Variants in ZNF397 observed in about 807,000 individuals in gnomAD.
The protein encoded by ZNF397 is zinc finger and SCAN domain-containing protein 15.
ZNF397 carries 38 observed loss-of-function variants against 50.6 expected under a neutral mutation model. The ratio of observed to expected loss-of-function variants is 0.75; its 90% CI spans 0.58 to 0.98. ZNF397 has a LOEUF of 0.98. Among genes scored for constraint, ZNF397 ranks in the 50% least tolerant of loss-of-function variants. The pLI, the probability that ZNF397 is intolerant of heterozygous loss-of-function variation, is 0.00. For synonymous variants in ZNF397, 228 were observed against 215.2 expected (o/e 1.06, Z -0.52); for missense variants, 624 against 624.1 (o/e 1.00, Z 0.00).
chr18:35,245,759 C>T lies in ZNF397; in HGVS notation c.1054C>T (p.Gln352Ter). The change falls in exon 4 of 4, where the codon CAG (glutamine) becomes TAG (stop). Residue 352 changes from glutamine (Q) to a stop codon, truncating the protein, a stop_gained. Transcript: ENST00000330501. LOFTEE classifies it high-confidence loss of function. The part of the protein sequence containing the change: ...ECSECGKAFN[Q>*]SSALIRHRKI... ...TAGTGAATGTGGGAAAGCTTTCAAT[C>T]AGAGCTCAGCCCTCATTAGACATCG... is the stretch of plus-strand genomic sequence containing the variant. The T allele has an allele frequency of 6.4e-7, 1 of 1,551,992 alleles. No individual in the cohort carries two copies. Among genetic ancestry groups the T allele is most frequent in the Non-Finnish European group, 8.7e-7 (1 of 1,147,128 alleles).
At chr18:35,256,072 G>A (rs1159228238) in intron 5 of ZNF397, among the ~76,000 whole-genome samples, 1 of 151,930 alleles carries the variant, frequency 6.6e-6, no homozygotes, top group Non-Finnish European at 1.5e-5. Flanking sequence ...GTAACTTATG[G>A]GATTTAAATA....
chr18:35,254,316 C>T (rs1308404636), downstream of ZNF397: 6 of 1,614,016 alleles, frequency 3.7e-6, no homozygotes, highest in African/African-American at 8.0e-5. Context: ...ATCATAGCTG[C>T]TGAGGCTACA....
chr18:35,245,280 C>T lies in ZNF397; in HGVS notation c.575C>T (p.Thr192Ile). The T allele has an allele frequency of 1.9e-6, 3 of 1,603,656 alleles. No individual in the cohort carries two copies. Among genetic ancestry groups the T allele is most frequent in the South Asian group, 1.1e-5 (1 of 89,906 alleles). Residue 192 changes from threonine to isoleucine, a missense_variant, in exon 4 of 4, where the codon ACA (threonine) becomes ATA (isoleucine). Transcript: ENST00000330501. ...GTTTCAGATTGTGAGAACAGTGAAA[C>T]AGCAACAAAAGAGGGCATCTCAGAA... is the stretch of plus-strand genomic sequence containing the variant. The part of the protein sequence containing the change: ...SPKSDCENSE[T>I]ATKEGISEEK...
chr18:35,242,795 T>G lies in ZNF397; in HGVS notation c.325T>G (p.Trp109Gly), dbSNP rs374310628. ...CATTCTGCCTGAGGAGCTGCAGATC[T>G]GGGTTCAGCAACATAATCCAGAAAG... is the stretch of plus-strand genomic sequence containing the variant. Reference protein sequence around the residue: ...LSILPEELQIWVQQHNPESGE... With the variant: ...LSILPEELQIGVQQHNPESGE... Residue 109 changes from tryptophan to glycine, a missense_variant, in exon 2 of 4, where the codon TGG becomes GGG. Coordinates refer to ENST00000330501, the MANE Select transcript of ZNF397 (RefSeq NM_001135178.3). The G allele has an allele frequency of 2.8e-5, 46 of 1,614,062 alleles. 1 individual carries two copies. The highest frequency in any genetic ancestry group is 3.7e-5 in the Non-Finnish European group (44 of 1,180,034).
exon 6 of ZNF397, chr18:35,257,991 C>T: frequency 1.3e-6 from 1 of 780,996 alleles, no homozygotes; most frequent in South Asian, 1.3e-5. Flanking sequence ...TCAGGCGCTA[C>T]TTCTGGCAAG....
intron 3 of ZNF397, among the ~76,000 whole-genome samples, chr18:35,244,411 T>C (rs912557654): frequency 2.6e-5 from 4 of 152,210 alleles, no homozygotes; most frequent in Non-Finnish European, 5.9e-5. Context: ...ACTCTAGAGC[T>C]TAATAAAATA....
At chr18:35,254,722 G>C (rs2043734293), downstream of ZNF397, 4 of 346,356 alleles carry the variant, frequency 1.2e-5, no homozygotes, top group East Asian at 2.7e-4. Flanking sequence ...TTTAGGTAAT[G>C]AGATAATCAG....
chr18:35,246,407 A>G lies in ZNF397; in HGVS notation c.*97A>G. The G allele has an allele frequency of 6.9e-7, 1 of 1,458,560 alleles. No individual in the cohort carries two copies. Among genetic ancestry groups the G allele is most frequent in the South Asian group, 1.5e-5 (1 of 66,252 alleles). The allele number at this position is 1,458,560 out of a possible 1,614,324, so 90.4% of individuals were successfully genotyped here. On this transcript the variant is annotated 3_prime_UTR_variant, in exon 4 of 4. Coordinates refer to ENST00000330501, the MANE Select transcript of ZNF397 (RefSeq NM_001135178.3). Reference sequence around the variant, plus strand: ...TGGAGCAAAACTCCATAAAGGTTATAAAATACTAGGTCTTGAGTCTAGCTT... The same window carrying G: ...TGGAGCAAAACTCCATAAAGGTTATGAAATACTAGGTCTTGAGTCTAGCTT...
At chr18:35,241,284 A>G (rs1053099791) in intron 1 of ZNF397, 175 bp downstream of exon 1, 5 of 152,238 alleles carry the variant, frequency 3.3e-5, no homozygotes, top group Admixed American at 2.6e-4. Context: ...CCTGCTTTCC[A>G]AAGGAAAACG....
At chr18:35,250,012 T>G (rs2043551468), downstream of ZNF397, among the ~76,000 whole-genome samples, 3 of 152,206 alleles carry the variant, frequency 2.0e-5, no homozygotes, top group South Asian at 6.2e-4. Context: ...CTTCCAAGTT[T>G]CAGGAAATTA....
At chr18:35,258,259 A>C in exon 6 of ZNF397, 1 of 419,882 alleles carries the variant, frequency 2.4e-6, no homozygotes, top group Admixed American at 3.9e-5. Flanking sequence ...ACCACGCATA[A>C]ATGGAGAACG....
chr18:35,245,945 A>G lies in ZNF397; in HGVS notation c.1240A>G (p.Arg414Gly). ...CTTTAGCCAGAGCTCAAAACTCATT[A>G]GACATCAGCGAATTCACACAGGAGA... Reference protein sequence around the residue: ...KTFSQSSKLIRHQRIHTGERP... With the variant: ...KTFSQSSKLIGHQRIHTGERP... The change falls in exon 4 of 4, where the codon AGA becomes GGA. Residue 414 changes from arginine (R) to glycine (G), a missense_variant. By Grantham distance (125) the Arg-to-Gly change is moderately radical (BLOSUM62 -2). Coordinates refer to ENST00000330501, the MANE Select transcript of ZNF397 (RefSeq NM_001135178.3). 6.3e-7 allele frequency: 1 copy of G among 1,580,374 alleles called. No homozygotes were observed. The highest frequency in any genetic ancestry group is 8.6e-7 in the Non-Finnish European group (1 of 1,162,902).
intron 5 of ZNF397, among the ~76,000 whole-genome samples, chr18:35,256,836 C>T (rs1277608109): frequency 6.6e-6 from 1 of 152,154 alleles, no homozygotes; most frequent in African/African-American, 2.4e-5. Context: ...TTCAGTGGTA[C>T]AATTATCAGC....
At position 35,246,455 on chromosome 18, in the gene ZNF397, G is replaced by A. The variant is rs952499864; in HGVS notation, c.*145G>A. 3 of 1,434,168 alleles carry A rather than the reference G, an allele frequency of 2.1e-6. No individual in the cohort carries two copies. The highest frequency in any genetic ancestry group is 2.7e-6 in the Non-Finnish European group (3 of 1,096,624). 88.8% of individuals were successfully genotyped at this position (1,434,168 alleles called of 1,614,324 possible). On this transcript the variant is annotated 3_prime_UTR_variant, in exon 4 of 4. Transcript: ENST00000330501. ...CTTGCTTTGTGCAGCATTTCCCAGTGCTAATGTAAAGTGTCCCTTGAAAGC... is the reference window on the plus strand; with the variant it reads ...CTTGCTTTGTGCAGCATTTCCCAGTACTAATGTAAAGTGTCCCTTGAAAGC...
intron 3 of ZNF397, chr18:35,244,221 G>A (rs1484807352): frequency 1.3e-5 from 2 of 154,326 alleles, no homozygotes; most frequent in African/African-American, 4.8e-5. Context: ...AAACTAGAGT[G>A]TGAGGGAGAG....
intron 3 of ZNF397, 69 bp downstream of exon 3, chr18:35,243,362 T>C (rs1177067186): frequency 6.2e-7 from 1 of 1,610,540 alleles, no homozygotes; most frequent in South Asian, 1.1e-5. Context: ...GCAGAATTAA[T>C]TGCACTTGAC....
chr18:35,243,129 T>C, intron 2 of ZNF397, 23 bp from the exon 3 acceptor site: 2 of 1,613,440 alleles, frequency 1.2e-6, no homozygotes, highest in African/African-American at 1.3e-5. Flanking sequence ...CTCACAAAGC[T>C]AACCATATTT....
chr18:35,242,418 G>T lies in ZNF397; in HGVS notation c.-53G>T, dbSNP rs4799374. 1,382,342 of 1,538,250 alleles carry T rather than the reference G, an allele frequency of 0.9. 624,696 individuals are homozygous for T. The highest frequency in any genetic ancestry group is 0.92 in the Non-Finnish European group (1,052,752 of 1,140,226). On this transcript the variant is annotated 5_prime_UTR_variant, in exon 2 of 4. Coordinates refer to ENST00000330501, the MANE Select transcript of ZNF397 (RefSeq NM_001135178.3). Reference sequence around the variant, plus strand: ...AAGAAGAGATTACTCACACTCCTTCGCAAGCACAGAACCAGTTGTACTGAG... The same window carrying T: ...AAGAAGAGATTACTCACACTCCTTCTCAAGCACAGAACCAGTTGTACTGAG...
At chr18:35,254,895 C>T (rs2043743925) in intron 5 of ZNF397, 1 of 160,426 alleles carries the variant, frequency 6.2e-6, no homozygotes, top group Non-Finnish European at 1.4e-5. Context: ...AGCATTAAGG[C>T]AATTTCAGAT....
Sources: allele counts gnomAD v4.1 joint callset (sites outside exome capture counted in the v4.1 genomes callset), GRCh38; gene constraint gnomAD v4.1.1; transcripts MANE v1.5; gene names NCBI Gene and HGNC (gene_info 2026-07-23, HGNC 2026-07-21).